DDIAS: variants seen among roughly 807,000 people sequenced by gnomAD.
The protein encoded by DDIAS is DNA damage-induced apoptosis suppressor protein.
Under a neutral mutation model 15.7 loss-of-function variants are expected in DDIAS, and 14 were observed. The observed-to-expected ratio is 0.89, with a 90% CI of 0.59 to 1.39. The LOEUF (loss-of-function observed/expected upper bound fraction) is 1.39. DDIAS is among the 40% of genes most tolerant of loss of function. The pLI is 0.00. For synonymous variants in DDIAS, 355 were observed against 395.9 expected (o/e 0.90, Z 1.23); for missense variants, 1,035 against 1,130.9 (o/e 0.92, Z 1.22).
Position 82,930,150 on chromosome 11 carries a change from A to T in DDIAS, c.276-7A>T. 2 of 1,496,114 alleles carry T rather than the reference A, an allele frequency of 1.3e-6. No homozygotes were observed. Among genetic ancestry groups the T allele is most frequent in the Non-Finnish European group, 1.8e-6 (2 of 1,096,712 alleles). The allele number at this position is 1,496,114 out of a possible 1,614,324, so 92.7% of individuals were successfully genotyped here. On this transcript the variant is annotated splice_region_variant and splice_polypyrimidine_tract_variant and intron_variant, in intron 4 of 5. Transcript: ENST00000533655. Reference sequence around the variant, plus strand: ...GCTTCACATTTTTTACTTTTTTTCCAATCAAGGTACATTCAGGATCCTAAT... The same window carrying T: ...GCTTCACATTTTTTACTTTTTTTCCTATCAAGGTACATTCAGGATCCTAAT...
At chr11:82,918,911 T>G (rs774852595) in intron 3 of DDIAS, among the ~76,000 whole-genome samples, 1 of 152,200 alleles carries the variant, frequency 6.6e-6, no homozygotes, top group African/African-American at 2.4e-5. Context: ...GCTGTTAGTG[T>G]ATAGAAGAGC....
In DDIAS at chr11:82,931,894, C is replaced by T; in HGVS notation, c.556C>T (p.Gln186Ter). ...TVIDYFHQLL[Q>*]TFNFRKLQCD... The stretch of plus-strand genomic sequence containing the variant: ...CATTGACTACTTCCATCAACTTTTG[C>T]AGACTTTTAATTTCAGGAAACTTCA... Residue 186 changes from glutamine (Q) to a stop codon, truncating the protein, a stop_gained, in exon 6 of 6, where the codon CAG becomes TAG. Transcript: ENST00000533655. LOFTEE classifies it low-confidence loss of function (END_TRUNC). 6.2e-7 allele frequency: 1 copy of T among 1,614,174 alleles called. No homozygotes were observed. The highest frequency in any genetic ancestry group is 1.1e-5 in the South Asian group (1 of 91,084).
chr11:82,930,658 G>A (rs572408941), intron 5 of DDIAS, among the ~76,000 whole-genome samples: 1 of 151,976 alleles, frequency 6.6e-6, no homozygotes, highest in South Asian at 2.1e-4. Context: ...ATGGAACACT[G>A]AAGGCAAAGT....
chr11:82,927,034 G>A (rs1417205063), intron 3 of DDIAS, among the ~76,000 whole-genome samples: 3 of 151,818 alleles, frequency 2.0e-5, no homozygotes, highest in African/African-American at 7.3e-5. Flanking sequence ...CTTGGGTTTG[G>A]GTCATATATT....
intron 1 of DDIAS, among the ~76,000 whole-genome samples, chr11:82,902,715 A>G (rs920706375): frequency 2.6e-5 from 4 of 152,122 alleles, no homozygotes; most frequent in East Asian, 3.8e-4. Flanking sequence ...TGACCTGGCT[A>G]ATTCTTAGTC....
chr11:82,924,800 G>A (rs1860824647), intron 3 of DDIAS, among the ~76,000 whole-genome samples: 1 of 151,672 alleles, frequency 6.6e-6, no homozygotes, highest in African/African-American at 2.4e-5. Flanking sequence ...GGGCAACAAA[G>A]CAAGACCTTG....
intron 5 of DDIAS, 97 bp from the exon 6 acceptor site, chr11:82,931,635 A>AG: frequency 9.2e-7 from 1 of 1,086,722 alleles, no homozygotes; most frequent in South Asian, 1.6e-5. Context: ...CTGGGATTAC[A>AG]GGCATGAGCC....
chr11:82,910,943 G>A (rs1860521265), intron 1 of DDIAS, among the ~76,000 whole-genome samples: 1 of 152,160 alleles, frequency 6.6e-6, no homozygotes, highest in Admixed American at 6.6e-5. Context: ...AGTAAAGCAA[G>A]TCACACAAAT....
chr11:82,926,060 C>T (rs1474180339), intron 3 of DDIAS, among the ~76,000 whole-genome samples: 1 of 150,412 alleles, frequency 6.6e-6, no homozygotes, highest in Non-Finnish European at 1.5e-5. Context: ...TGTTGTATAC[C>T]TTGAATATAT....
chr11:82,914,846 C>G lies in DDIAS; in HGVS notation c.108C>G (p.Ser36=), dbSNP rs149655535. ...GCTTCTCTAGGATAATCCTGGTCTC[C>G]AAAAGGTAAAAGTAAAGTCTGTAAG... The part of the protein sequence containing the change: ...QKCFSRIILV[S]KRSNCPKCGS... The change falls in exon 3 of 6, where the codon TCC becomes TCG. Residue 36 remains serine (S), a synonymous_variant. Transcript: ENST00000533655. 6.4e-7 allele frequency: 1 copy of G among 1,565,478 alleles called. No individual in the cohort carries two copies. Among genetic ancestry groups the G allele is most frequent in the South Asian group, 1.1e-5 (1 of 89,268 alleles).
At position 82,933,525 on chromosome 11, in the gene DDIAS, G is replaced by A. The variant is rs777623671; in HGVS notation, c.2187G>A (p.Gln729=). The A allele has an allele frequency of 6.8e-6, 11 of 1,614,008 alleles. No homozygotes were observed. In the South Asian group the frequency reaches 1.2e-4, roughly 18 times the overall value. Reference sequence around the variant, plus strand: ...GATCACTTTCTGAAGACTTCATCCAGCCTTCACAAAAATTATCCTTGCAAA... The same window carrying A: ...GATCACTTTCTGAAGACTTCATCCAACCTTCACAAAAATTATCCTTGCAAA... The part of the protein sequence containing the change: ...SLRSLSEDFI[Q]PSQKLSLQSL... Residue 729 remains glutamine (Q), a synonymous_variant, in exon 6 of 6, where the codon CAG becomes CAA. Coordinates refer to ENST00000533655, the MANE Select transcript of DDIAS (RefSeq NM_145018.4).
At chr11:82,914,046 C>G (rs1158126144) in intron 2 of DDIAS, 1 of 372,930 alleles carries the variant, frequency 2.7e-6, no homozygotes. Flanking sequence ...AAGCAATTCT[C>G]CTGCCGCAGC....
intron 3 of DDIAS, 152 bp from the exon 4 acceptor site, chr11:82,928,625 A>G: frequency 1.3e-6 from 1 of 752,734 alleles, no homozygotes; most frequent in Non-Finnish European, 2.1e-6. Flanking sequence ...GAAATTTAAA[A>G]TAAGTTGATC....
chr11:82,924,378 G>A (rs1860814679), intron 3 of DDIAS, among the ~76,000 whole-genome samples: 1 of 152,160 alleles, frequency 6.6e-6, no homozygotes, highest in Admixed American at 6.5e-5. Flanking sequence ...AGAATATCGT[G>A]TTCATATCTG....
Position 82,933,430 on chromosome 11 carries a change from C to T in DDIAS, c.2092C>T (p.Gln698Ter), listed in dbSNP as rs1198870227. 6.2e-7 allele frequency: 1 copy of T among 1,613,742 alleles called. No individual in the cohort carries two copies. The highest frequency in any genetic ancestry group is 2.2e-5 in the East Asian group (1 of 44,880). ...TGCAACTGAGATTACCAAAAAATCA[C>T]AGGATATTTTGTTAAAATGGGGAAC... ...DIATEITKKS[Q>*]DILLKWGTSL... Residue 698 changes from glutamine (Q) to a stop codon, truncating the protein, a stop_gained, in exon 6 of 6, where the codon CAG becomes TAG. Coordinates refer to ENST00000533655, the MANE Select transcript of DDIAS (RefSeq NM_145018.4). LOFTEE classifies it low-confidence loss of function (END_TRUNC).
intron 2 of DDIAS, 95 bp from the exon 3 acceptor site, chr11:82,914,628 G>T: frequency 1.7e-6 from 1 of 571,474 alleles, no homozygotes; most frequent in Non-Finnish European, 3.1e-6. Flanking sequence ...ACATCTATTA[G>T]CTTTGCAGTA....
chr11:82,928,929 G>T lies in DDIAS; in HGVS notation c.266G>T (p.Gly89Val). Reference protein sequence around the residue: ...LDTFFGLTATGLHRYIQDPNK... With the variant: ...LDTFFGLTATVLHRYIQDPNK... ...ACATTTTTTGGTCTTACTGCCACTG[G>T]TTTGCACAGGTAAGAATACTTAAAA... is the stretch of plus-strand genomic sequence containing the variant. The change falls in exon 4 of 6, where the codon GGT becomes GTT. Residue 89 changes from glycine to valine, a missense_variant. Physicochemically the swap from Gly to Val is moderately radical, Grantham distance 109. Transcript: ENST00000533655. 1 of 1,611,090 alleles carries T rather than the reference G, an allele frequency of 6.2e-7. No individual in the cohort carries two copies. Among genetic ancestry groups the T allele is most frequent in the Non-Finnish European group, 8.5e-7 (1 of 1,179,266 alleles).
Position 82,914,722 on chromosome 11 carries a change from G to T in DDIAS, c.-16-1G>T. On this transcript the variant is annotated splice_acceptor_variant, in intron 2 of 5. Coordinates refer to ENST00000533655, the MANE Select transcript of DDIAS (RefSeq NM_145018.4). LOFTEE classifies it low-confidence loss of function (5UTR_SPLICE). ...ATCCCAATGGCTATTTTGTTTTGCAGACCACGGTGTGAACACATGAACAGA... is the reference window on the plus strand; with the variant it reads ...ATCCCAATGGCTATTTTGTTTTGCATACCACGGTGTGAACACATGAACAGA... 6.7e-7 allele frequency: 1 copy of T among 1,490,254 alleles called. No individual in the cohort carries two copies. Among genetic ancestry groups the T allele is most frequent in the South Asian group, 1.1e-5 (1 of 87,036 alleles). 92.3% of individuals were successfully genotyped at this position (1,490,254 alleles called of 1,614,324 possible).
At chr11:82,909,448 G>A (rs532654224) in intron 1 of DDIAS, 1 of 152,294 alleles carries the variant, frequency 6.6e-6, no homozygotes, top group South Asian at 2.1e-4. Flanking sequence ...AACCGTCTGG[G>A]AATTCAGCCC....
Sources: gnomAD v4.1 joint callset for allele counts (sites outside exome capture counted in the v4.1 genomes callset) on GRCh38, gnomAD v4.1.1 for gene constraint, MANE v1.5 for transcripts, NCBI Gene and HGNC (gene_info 2026-07-23, HGNC 2026-07-21) for gene names.